Variants in CCNF observed in about 807,000 individuals in gnomAD.
CCNF encodes cyclin-F.
A neutral mutation model predicts 85.4 loss-of-function variants in CCNF; 30 were observed. The observed-to-expected ratio is 0.35, with a 90% CI of 0.26 to 0.48. CCNF has a LOEUF of 0.48. Ranked by LOEUF, CCNF falls within the 20% of genes least tolerant of loss-of-function variation. CCNF has a pLI of 0.99. For missense variants in CCNF, 919 were observed against 1,010.4 expected (o/e 0.91, Z 1.23); for synonymous variants, 439 against 425.1 (o/e 1.03, Z -0.40).
chr16:2,441,572 T>A (rs2065321230), intron 8 of CCNF, among the ~76,000 whole-genome samples: 1 of 152,070 alleles, frequency 6.6e-6, no homozygotes. Context: ...TTCTCTCTGT[T>A]GCCCAGGCTA....
At position 2,456,700 on chromosome 16, in the gene CCNF, C is replaced by T. The variant is rs752414566; in HGVS notation, c.2041C>T (p.Pro681Ser). 1 of 1,613,466 alleles carries T rather than the reference C, an allele frequency of 6.2e-7. No individual in the cohort carries two copies. The highest frequency in any genetic ancestry group is 8.5e-7 in the Non-Finnish European group (1 of 1,179,824). The change falls in exon 17 of 17, where the codon CCT becomes TCT. Residue 681 changes from proline (P) to serine (S), a missense_variant. By Grantham distance (74) the Pro-to-Ser change is moderately conservative. Transcript: ENST00000397066. The surrounding 1 kb of genome is among the most constrained non-coding windows in gnomAD (Gnocchi z 4.5). The part of the protein sequence containing the change: ...LALDTQIPAT[P>S]GPKPLVRTSR... ...GCTGGACACCCAGATCCCTGCAACC[C>T]CTGGACCCAAACCCCTGGTCCGCAC...
chr16:2,448,873 C>T lies in CCNF; in HGVS notation c.1113C>T (p.Ile371=), dbSNP rs749710568. The change falls in exon 11 of 17, where the codon ATC becomes ATT. Residue 371 remains isoleucine, a synonymous_variant. Transcript: ENST00000397066. ...VICTRFISKE[I]LTIREAVWLT... is the part of the protein sequence containing the mutation. Reference sequence around the variant, plus strand: ...GTTGCAGGTTTATCAGTAAAGAGATCCTGACCATCCGGGAGGCCGTATGGC... The same window carrying T: ...GTTGCAGGTTTATCAGTAAAGAGATTCTGACCATCCGGGAGGCCGTATGGC... 7.4e-6 allele frequency: 12 copies of T among 1,613,594 alleles called. No individual in the cohort carries two copies. In the African/African-American group the frequency reaches 1.1e-4, roughly 14 times the overall value.
At chr16:2,432,142 T>G (rs1036021899) in intron 2 of CCNF, among the ~76,000 whole-genome samples, 1 of 152,178 alleles carries the variant, frequency 6.6e-6, no homozygotes, top group Non-Finnish European at 1.5e-5. Context: ...AAGTACCCTT[T>G]TATGGCAGTG....
chr16:2,435,680 T>C lies in CCNF; in HGVS notation c.279-126T>C, dbSNP rs796420254. ...GCACACACACACATATATATATATA[T>C]ATATATATATATATATATATATATT... is the stretch of plus-strand genomic sequence containing the variant. On this transcript the variant is annotated intron_variant, in intron 3 of 16. Coordinates refer to ENST00000397066, the MANE Select transcript of CCNF (RefSeq NM_001761.3). 2.7e-3 allele frequency: 40 copies of C among 14,566 alleles called. 1 individual carries two copies. Among genetic ancestry groups the C allele is most frequent in the Non-Finnish European group, 3.5e-3 (34 of 9,844 alleles). The allele number at this position is 14,566 out of a possible 1,614,324, so 0.9% of individuals were successfully genotyped here.
chr16:2,438,014 G>A, intron 5 of CCNF, 56 bp from the exon 6 acceptor site: 2 of 1,214,828 alleles, frequency 1.6e-6, no homozygotes, highest in Non-Finnish European at 2.5e-6. Context: ...AGGGAGTGGT[G>A]GCCCCCGGGC....
At chr16:2,447,122 A>G (rs1303456849) in intron 10 of CCNF, among the ~76,000 whole-genome samples, 1 of 152,080 alleles carries the variant, frequency 6.6e-6, no homozygotes, top group Non-Finnish European at 1.5e-5. Context: ...CCTACGACAA[A>G]GCTCCTGGGC....
chr16:2,433,512 C>G (rs1051808846), intron 3 of CCNF, among the ~76,000 whole-genome samples: 2 of 152,228 alleles, frequency 1.3e-5, no homozygotes. Context: ...GTACCCGCCG[C>G]CCTCAGAACA....
chr16:2,457,598 C>T lies in CCNF; in HGVS notation c.*578C>T, dbSNP rs1334344181. ...CACACTGCGAGGACTGCCTTGGCCA[C>T]AGGCCCACTCCCTACGACACGTGAC... On this transcript the variant is annotated 3_prime_UTR_variant, in exon 17 of 17. Transcript: ENST00000397066. 6.5e-6 allele frequency: 1 copy of T among 152,840 alleles called. No individual in the cohort carries two copies. Among genetic ancestry groups the T allele is most frequent in the Non-Finnish European group, 1.5e-5 (1 of 68,478 alleles). 9.5% of individuals were successfully genotyped at this position (152,840 alleles called of 1,614,324 possible).
intron 3 of CCNF, 132 bp from the exon 4 acceptor site, chr16:2,435,666 CATATATAT>C (rs71148135): frequency 0.045 from 1,915 of 42,660 alleles, 61 homozygotes; most frequent in Admixed American, 0.071. Flanking sequence ...CACACACACA[CATATATAT>C]ATATATATAT....
At chr16:2,455,373 C>T in intron 15 of CCNF, 22 bp from the exon 16 acceptor site, 2 of 1,564,686 alleles carry the variant, frequency 1.3e-6, no homozygotes, top group South Asian at 2.3e-5. Context: ...ACTGGGTCTC[C>T]TGGGCTCTCT....
Position 2,453,109 on chromosome 16 carries a change from G to A in CCNF, c.1488-101G>A, listed in dbSNP as rs1467961902. ...GAACTGCCAGGTCAGATTCCAGAGT[G>A]ACTGCACCATTTTGCATTCTCATTG... On this transcript the variant is annotated intron_variant, in intron 13 of 16. Coordinates refer to ENST00000397066, the MANE Select transcript of CCNF (RefSeq NM_001761.3). This position sits in a 1 kb window ranked among gnomAD's most constrained non-coding sequence, Gnocchi z 5.6. The A allele has an allele frequency of 7.3e-6, 7 of 958,196 alleles. No individual in the cohort carries two copies. In the East Asian group the frequency reaches 1.5e-4, roughly 21 times the overall value. 59.4% of individuals were successfully genotyped at this position (958,196 alleles called of 1,614,324 possible). A position where few individuals can be genotyped will look rare whatever the true frequency, so the allele number is the denominator to read the frequency against.
rs2065400457 is a variant in CCNF, at chr16:2,452,494, T to G, written c.1488-716T>G. Reference sequence around the variant, plus strand: ...ACCAAAAGCTGTTTCTGGGCTGCGTTTATTCTCTTCCTCCTGAAGAAGTTA... The same window carrying G: ...ACCAAAAGCTGTTTCTGGGCTGCGTGTATTCTCTTCCTCCTGAAGAAGTTA... On this transcript the variant is annotated intron_variant, in intron 13 of 16. Transcript: ENST00000397066. This position sits in a 1 kb window ranked among gnomAD's most constrained non-coding sequence, Gnocchi z 4.1. 6.6e-6 allele frequency: 1 copy of G among 152,400 alleles called. No individual in the cohort carries two copies. Among genetic ancestry groups the G allele is most frequent in the Non-Finnish European group, 1.5e-5 (1 of 68,196 alleles). 9.4% of individuals were successfully genotyped at this position (152,400 alleles called of 1,614,324 possible). A position where few individuals can be genotyped will look rare whatever the true frequency, so the allele number is the denominator to read the frequency against.
chr16:2,455,288 C>A, intron 15 of CCNF, 107 bp from the exon 16 acceptor site: 2 of 1,356,282 alleles, frequency 1.5e-6, no homozygotes, highest in South Asian at 3.2e-5. Flanking sequence ...TTTGGGAGCA[C>A]GTGGTGACAG....
At position 2,457,051 on chromosome 16, in the gene CCNF, G is replaced by A. The variant is rs1268548423; in HGVS notation, c.*31G>A. 1.3e-6 allele frequency: 2 copies of A among 1,495,008 alleles called. No individual in the cohort carries two copies. The highest frequency in any genetic ancestry group is 2.3e-5 in the East Asian group (1 of 43,378). The allele number at this position is 1,495,008 out of a possible 1,614,324, so 92.6% of individuals were successfully genotyped here. On this transcript the variant is annotated 3_prime_UTR_variant, in exon 17 of 17. Transcript: ENST00000397066. ...TCAGCACATTTGCCGCAGTGGATGT[G>A]TACTGAGGGGGCTGGAGGCGAAGGG... is the stretch of plus-strand genomic sequence containing the variant.
At chr16:2,437,354 GC>G in intron 5 of CCNF, 32 bp downstream of exon 5, 1 of 1,510,558 alleles carries the variant, frequency 6.6e-7, no homozygotes, top group Non-Finnish European at 8.9e-7. Flanking sequence ...CACCTGCGAG[GC>G]CACCTGCAGG....
chr16:2,443,839 C>T (rs768639357), intron 9 of CCNF, 39 bp downstream of exon 9: 20 of 1,591,398 alleles, frequency 1.3e-5, no homozygotes, highest in African/African-American at 2.7e-5. Flanking sequence ...CAGAGCGGCG[C>T]GGAAGCCAGC....
rs552816940 is a variant in CCNF, at chr16:2,449,152, C to T, written c.1219-130C>T. 6,579 of 1,424,306 alleles carry T rather than the reference C, an allele frequency of 4.6e-3. 44 individuals carry two copies. Among genetic ancestry groups the T allele is most frequent in the Non-Finnish European group, 5.7e-3 (5,807 of 1,011,130 alleles). 88.2% of individuals were successfully genotyped at this position (1,424,306 alleles called of 1,614,324 possible). A position where few individuals can be genotyped will look rare whatever the true frequency, so the allele number is the denominator to read the frequency against. ...CACGGTTGCACCACGTCGCCATCTGCGCTGGTGCGCTACGCGTGCAGCATC... is the reference window on the plus strand; with the variant it reads ...CACGGTTGCACCACGTCGCCATCTGTGCTGGTGCGCTACGCGTGCAGCATC... On this transcript the variant is annotated intron_variant, in intron 11 of 16. Transcript: ENST00000397066.
At chr16:2,439,549 G>A in intron 7 of CCNF, 92 bp downstream of exon 7, 1 of 1,034,836 alleles carries the variant, frequency 9.7e-7, no homozygotes, top group Non-Finnish European at 1.5e-6. Flanking sequence ...CCACAAAAGG[G>A]AGGTGGCTCT....
At position 2,449,776 on chromosome 16, in the gene CCNF, A is replaced by G. The variant is rs540359603; in HGVS notation, c.1400-52A>G. 190 of 383,588 alleles carry G rather than the reference A, an allele frequency of 5.0e-4. 1 individual carries two copies. Among genetic ancestry groups the G allele is most frequent in the Admixed American group, 8.4e-4 (16 of 19,096 alleles). 23.8% of individuals were successfully genotyped at this position (383,588 alleles called of 1,614,324 possible). ...TCACCACAGCCCCTCCGTCCCCTCC[A>G]TCCCCTCCGTCCCCTCCATCCCCTC... On this transcript the variant is annotated intron_variant, in intron 12 of 16. Coordinates refer to ENST00000397066, the MANE Select transcript of CCNF (RefSeq NM_001761.3).
Sources: allele counts gnomAD v4.1 joint callset (sites outside exome capture counted in the v4.1 genomes callset), GRCh38; gene constraint gnomAD v4.1.1; non-coding constraint Gnocchi (gnomAD v3.1); transcripts MANE v1.5; gene names NCBI Gene and HGNC (gene_info 2026-07-23, HGNC 2026-07-21).